The following RNF38 variants were observed in gnomAD, a reference collection of about 807,000 sequenced individuals.
The protein encoded by RNF38 is ring finger protein 38, also known as E3 ubiquitin-protein ligase RNF38.
A neutral mutation model predicts 67.2 loss-of-function variants in RNF38; 15 were observed. That is an observed-to-expected ratio of 0.22 (90% confidence interval 0.15 to 0.34). The LOEUF (loss-of-function observed/expected upper bound fraction) is 0.34, where lower values mean the gene tolerates loss of function less well. Among genes scored for constraint, RNF38 ranks in the 10% least tolerant of loss-of-function variants. The probability of loss-of-function intolerance (pLI) is 1.00; values close to 1 mark genes in which losing one functional copy is unlikely to be tolerated. For missense variants in RNF38, 524 were observed against 639.9 expected (o/e 0.82, Z 1.95); for synonymous variants, 220 against 218.8 (o/e 1.01, Z -0.05).
chr9:36,439,415 C>T (rs1248892073), intron 1 of RNF38, among the ~76,000 whole-genome samples: 1 of 152,068 alleles, frequency 6.6e-6, no homozygotes, highest in Non-Finnish European at 1.5e-5. Context: ...AGAGGTGTGA[C>T]ACCTATGATA....
upstream of RNF38, chr9:36,401,165 C>T: frequency 1.0e-6 from 1 of 985,114 alleles, no homozygotes; most frequent in Non-Finnish European, 1.2e-6. Flanking sequence ...GCACCGCGCG[C>T]CGAACCCCCT....
At chr9:36,371,443 CTTTTT>C (rs537986184) in intron 3 of RNF38, among the ~76,000 whole-genome samples, 1 of 131,544 alleles carries the variant, frequency 7.6e-6, no homozygotes, top group Non-Finnish European at 1.6e-5. Flanking sequence ...GGACTAAAAG[CTTTTT>C]TTTTTTTTTT....
intron 5 of RNF38, 79 bp downstream of exon 5, chr9:36,357,696 G>A: frequency 2.7e-6 from 3 of 1,111,406 alleles, no homozygotes; most frequent in South Asian, 2.8e-5. Context: ...AAGAGGGTAA[G>A]AGTCGGGAAG....
intron 8 of RNF38, among the ~76,000 whole-genome samples, chr9:36,351,596 T>C (rs964439976): frequency 2.6e-5 from 4 of 152,106 alleles, no homozygotes; most frequent in South Asian, 2.1e-4. Flanking sequence ...TTGGGAGACA[T>C]ACTATATCTG....
chr9:36,481,941 G>T (rs1252836434), intron 1 of RNF38, among the ~76,000 whole-genome samples: 2 of 151,786 alleles, frequency 1.3e-5, no homozygotes, highest in Non-Finnish European at 2.9e-5. Context: ...AATAGGAAGA[G>T]AAAAATAACT....
Position 36,394,092 on chromosome 9 carries a change from T to C in RNF38, c.13-3476A>G, listed in dbSNP as rs562291880. ...GAGATAGAGACCAACCTGGCCAACA[T>C]GATGAAACCCCATCTCTACTAAAAA... On this transcript the variant is annotated intron_variant, in intron 1 of 11. Transcript: ENST00000259605. Among the ~76,000 whole-genome samples the C allele has an allele frequency of 5.9e-5, 9 of 152,116 alleles. No homozygotes were observed. In the East Asian group the frequency reaches 1.5e-3, roughly 26 times the overall value.
intron 2 of RNF38, among the ~76,000 whole-genome samples, chr9:36,382,144 G>A (rs1220122993): frequency 1.3e-5 from 2 of 152,202 alleles, no homozygotes; most frequent in East Asian, 3.8e-4. Flanking sequence ...CTAGGCCAGT[G>A]GACCAACTTT....
intron 1 of RNF38, among the ~76,000 whole-genome samples, chr9:36,448,772 G>C (rs1389537217): frequency 1.3e-5 from 2 of 152,156 alleles, no homozygotes; most frequent in Non-Finnish European, 2.9e-5. Context: ...GGGAGACAGA[G>C]GCGGGCGGAC....
At chr9:36,397,792 T>C (rs923083970) in intron 1 of RNF38, among the ~76,000 whole-genome samples, 12 of 152,376 alleles carry the variant, frequency 7.9e-5, no homozygotes, top group Admixed American at 5.9e-4. Flanking sequence ...TTTTCTTTCC[T>C]TCCCTTCCAA....
At chr9:36,365,033 G>A (rs1356640608) in intron 4 of RNF38, among the ~76,000 whole-genome samples, 1 of 152,158 alleles carries the variant, frequency 6.6e-6, no homozygotes, top group Non-Finnish European at 1.5e-5. Flanking sequence ...GAACAAATAG[G>A]TGTGGTTGTG....
intron 1 of RNF38, among the ~76,000 whole-genome samples, chr9:36,482,093 G>A (rs1203367765): frequency 1.8e-5 from 2 of 109,926 alleles, no homozygotes; most frequent in Admixed American, 1.2e-4. Context: ...CGCTCTTGTT[G>A]CCCAGGCTGG....
chr9:36,384,442 A>G (rs949392851), intron 2 of RNF38, among the ~76,000 whole-genome samples: 1 of 152,194 alleles, frequency 6.6e-6, no homozygotes, highest in Non-Finnish European at 1.5e-5. Flanking sequence ...AAGTTTATGT[A>G]ATGAAAACAA....
intron 1 of RNF38, among the ~76,000 whole-genome samples, chr9:36,485,254 T>C (rs1840377766): frequency 6.6e-6 from 1 of 151,554 alleles, no homozygotes; most frequent in Admixed American, 6.6e-5. Context: ...AGCATTCTTG[T>C]ATTTTTTTCA....
intron 3 of RNF38, chr9:36,372,418 C>A (rs145426020): frequency 1.2e-3 from 701 of 601,562 alleles, no homozygotes; most frequent in Non-Finnish European, 1.7e-3. Flanking sequence ...ATTCACAGTT[C>A]TTTGTTTTAT....
chr9:36,400,297 C>G (rs1411786571), upstream of RNF38: 2 of 1,292,578 alleles, frequency 1.5e-6, no homozygotes, highest in Non-Finnish European at 2.0e-6. Flanking sequence ...CGACCGGGTT[C>G]CGCGTTCTCC....
chr9:36,421,144 T>TCATGTAAGAAAAAC (rs1838614886), intron 2 of RNF38, among the ~76,000 whole-genome samples: 1 of 152,074 alleles, frequency 6.6e-6, no homozygotes, highest in East Asian at 1.9e-4. Flanking sequence ...GTAAGAAAAA[T>TCATGTAAGAAAAAC]CATCTTTTCT....
chr9:36,378,270 G>A (rs961102145), intron 2 of RNF38, among the ~76,000 whole-genome samples: 2 of 149,026 alleles, frequency 1.3e-5, no homozygotes. Flanking sequence ...TCCGCCTCCT[G>A]GGTTCAAGTG....
intron 1 of RNF38, among the ~76,000 whole-genome samples, chr9:36,477,504 C>G (rs1277666883): frequency 6.6e-6 from 1 of 151,694 alleles, no homozygotes; most frequent in East Asian, 1.9e-4. Context: ...TGTGAAACCT[C>G]CATGTCACAA....
At chr9:36,464,081 G>A (rs765799996) in intron 1 of RNF38, among the ~76,000 whole-genome samples, 2 of 151,750 alleles carry the variant, frequency 1.3e-5, no homozygotes, top group African/African-American at 2.4e-5. Flanking sequence ...GGAGAATGGC[G>A]TGAACCCGGG....
Sources: allele counts gnomAD v4.1 joint callset (sites outside exome capture counted in the v4.1 genomes callset), GRCh38; gene constraint gnomAD v4.1.1; transcripts MANE v1.5; gene names NCBI Gene and HGNC (gene_info 2026-07-23, HGNC 2026-07-21).